Variants in FHIT observed in about 807,000 individuals in gnomAD.
The protein encoded by FHIT is fragile histidine triad diadenosine triphosphatase, also known as bis(5'-adenosyl)-triphosphatase.
FHIT carries 19 observed loss-of-function variants against 17.9 expected under a neutral mutation model. The observed-to-expected ratio is 1.06, with a 90% confidence interval of 0.74 to 1.56. The LOEUF is 1.56. FHIT is among the 40% of genes most tolerant of loss of function. The pLI is 0.00. For missense variants in FHIT, 248 were observed against 189.2 expected (o/e 1.31, Z -1.82); for synonymous variants, 81 against 69.7 (o/e 1.16, Z -0.81).
At position 60,404,179 on chromosome 3, in the gene FHIT, C is replaced by T. The variant is rs541017275; in HGVS notation, c.103+132681G>A. ...TTTCAAAAAATCCCTACTTTTTTTG[C>T]GTCATTCTTTCCTTGCTTTGTGTGT... On this transcript the variant is annotated intron_variant, in intron 5 of 9. Transcript: ENST00000492590. Among the ~76,000 whole-genome samples, 6 of 152,146 alleles carry T rather than the reference C, an allele frequency of 3.9e-5. No individual in the cohort carries two copies. The South Asian group carries it at 1.0e-3, about 26-fold the overall frequency.
chr3:60,889,843 G>T (rs1490960581), intron 3 of FHIT, among the ~76,000 whole-genome samples: 2 of 152,082 alleles, frequency 1.3e-5, no homozygotes, highest in East Asian at 3.8e-4. Flanking sequence ...TTGGTAGACA[G>T]GACAAAAAGG....
intron 4 of FHIT, among the ~76,000 whole-genome samples, chr3:60,791,228 C>T (rs1373714169): frequency 2.0e-5 from 3 of 151,904 alleles, no homozygotes; most frequent in African/African-American, 7.3e-5. Context: ...TATTGTTTCT[C>T]CACATTGGAG....
intron 8 of FHIT, among the ~76,000 whole-genome samples, chr3:59,817,086 C>A (rs937113813): frequency 3.3e-5 from 5 of 152,266 alleles, no homozygotes; most frequent in Non-Finnish European, 7.3e-5. Flanking sequence ...CAGACCCCAG[C>A]GTCTTCGTAG....
chr3:60,538,233 G>T (rs995909627), intron 4 of FHIT, among the ~76,000 whole-genome samples: 2 of 152,030 alleles, frequency 1.3e-5, no homozygotes, highest in Non-Finnish European at 2.9e-5. Context: ...AACTTATAAG[G>T]GATGTGAAGG....
intron 4 of FHIT, among the ~76,000 whole-genome samples, chr3:60,660,047 G>A (rs572861410): frequency 5.9e-5 from 9 of 152,160 alleles, no homozygotes; most frequent in African/African-American, 1.7e-4. Flanking sequence ...AGGTATGAGC[G>A]GTGACTTTCT....
chr3:60,032,030 T>C (rs1701023731), intron 5 of FHIT, among the ~76,000 whole-genome samples: 1 of 152,142 alleles, frequency 6.6e-6, no homozygotes, highest in Admixed American at 6.6e-5. Context: ...TAGAAGTACT[T>C]ATCATTACAA....
intron 3 of FHIT, among the ~76,000 whole-genome samples, chr3:60,835,318 ATCGGT>A (rs1702497727): frequency 2.0e-5 from 3 of 152,208 alleles, no homozygotes; most frequent in Non-Finnish European, 2.9e-5. Context: ...TTTGGGAAGT[ATCGGT>A]ATCTTTACTA....
intron 5 of FHIT, among the ~76,000 whole-genome samples, chr3:60,352,429 T>G (rs1302699670): frequency 6.6e-6 from 1 of 152,226 alleles, no homozygotes; most frequent in Non-Finnish European, 1.5e-5. Flanking sequence ...TTTCATATCT[T>G]GCTTCAAGCA....
At chr3:59,974,241 A>T (rs1708310780) in intron 7 of FHIT, among the ~76,000 whole-genome samples, 1 of 152,164 alleles carries the variant, frequency 6.6e-6, no homozygotes, top group South Asian at 2.1e-4. Flanking sequence ...GCCCAAGAGA[A>T]GGAAGAATAA....
chr3:60,349,309 G>A (rs1710958926), intron 5 of FHIT, among the ~76,000 whole-genome samples: 1 of 152,148 alleles, frequency 6.6e-6, no homozygotes, highest in African/African-American at 2.4e-5. Context: ...TCTAGGTACT[G>A]AGAAGATTCC....
intron 4 of FHIT, among the ~76,000 whole-genome samples, chr3:60,636,780 T>C (rs1260567814): frequency 2.0e-5 from 3 of 152,292 alleles, no homozygotes; most frequent in East Asian, 1.9e-4. Context: ...AGGATACTTT[T>C]AGCTGTTGGA....
At chr3:60,484,499 C>T (rs562434545) in intron 5 of FHIT, among the ~76,000 whole-genome samples, 8 of 152,190 alleles carry the variant, frequency 5.3e-5, no homozygotes, top group African/African-American at 1.4e-4. Context: ...AGAACAGAGG[C>T]CTCAGAAATA....
chr3:59,761,185 C>A (rs1030362723), intron 8 of FHIT, among the ~76,000 whole-genome samples: 3 of 152,176 alleles, frequency 2.0e-5, no homozygotes, highest in Non-Finnish European at 4.4e-5. Context: ...AGCCTGACTC[C>A]CAGGGTTCAG....
At chr3:60,342,370 T>A (rs1576504936) in intron 5 of FHIT, among the ~76,000 whole-genome samples, 1 of 152,270 alleles carries the variant, frequency 6.6e-6, no homozygotes, top group African/African-American at 2.4e-5. Context: ...TAACACAGGG[T>A]CTGAGATTCT....
chr3:61,088,533 T>A (rs953825287), intron 2 of FHIT, among the ~76,000 whole-genome samples: 2 of 152,072 alleles, frequency 1.3e-5, no homozygotes, highest in Admixed American at 6.6e-5. Flanking sequence ...AAAGTATAGA[T>A]GTAAACTTCA....
chr3:61,164,858 C>G lies in FHIT; in HGVS notation c.-164+35759G>C, dbSNP rs576518986. Reference sequence around the variant, plus strand: ...TTGCCATCTTTATGTCTATGAGTACCCAACATTTAGCTCCCACTTACAAGT... The same window carrying G: ...TTGCCATCTTTATGTCTATGAGTACGCAACATTTAGCTCCCACTTACAAGT... On this transcript the variant is annotated intron_variant, in intron 2 of 9. Coordinates refer to ENST00000492590, the MANE Select transcript of FHIT (RefSeq NM_002012.4). Among the ~76,000 whole-genome samples the G allele has an allele frequency of 7.9e-5, 12 of 152,266 alleles. No individual in the cohort carries two copies. In the East Asian group the frequency reaches 2.3e-3, roughly 29 times the overall value.
intron 5 of FHIT, among the ~76,000 whole-genome samples, chr3:60,126,881 G>A (rs66489460): frequency 0.44 from 66,638 of 151,996 alleles, 14,934 homozygotes; most frequent in African/African-American, 0.48. Context: ...CAACTGGCTT[G>A]TGAGTTTCCT....
intron 2 of FHIT, among the ~76,000 whole-genome samples, chr3:61,066,345 G>A (rs1448197014): frequency 6.6e-6 from 1 of 152,166 alleles, no homozygotes; most frequent in East Asian, 1.9e-4. Context: ...CGGGCATGGT[G>A]GCTCACACCT....
intron 7 of FHIT, among the ~76,000 whole-genome samples, chr3:59,990,446 G>T (rs1709175803): frequency 1.3e-5 from 2 of 151,986 alleles, no homozygotes. Context: ...AAAGTATATT[G>T]TTCTAAATTA....
Sources: allele counts gnomAD v4.1 joint callset (sites outside exome capture counted in the v4.1 genomes callset), GRCh38; gene constraint gnomAD v4.1.1; transcripts MANE v1.5; gene names NCBI Gene and HGNC (gene_info 2026-07-23, HGNC 2026-07-21).